The following GRID2 variants were observed in gnomAD, a reference collection of about 807,000 sequenced individuals.
GRID2 encodes glutamate ionotropic receptor delta type subunit 2, also known as glutamate receptor ionotropic, delta-2.
In GRID2, 33 loss-of-function variants were observed where a neutral mutation model predicts 114.8. That is an observed-to-expected ratio of 0.29 (90% CI 0.22 to 0.38). The LOEUF is 0.38. Among genes scored for constraint, GRID2 ranks in the 10% least tolerant of loss-of-function variants. GRID2 has a pLI of 1.00. For synonymous variants in GRID2, 505 were observed against 449.9 expected (o/e 1.12, Z -1.55); for missense variants, 1,184 against 1,257.7 (o/e 0.94, Z 0.89).
Position 93,088,373 on chromosome 4 carries a change from T to C in GRID2, c.529+3094T>C, listed in dbSNP as rs200451354. On this transcript the variant is annotated intron_variant, in intron 3 of 15. Coordinates refer to ENST00000282020, the MANE Select transcript of GRID2 (RefSeq NM_001510.4). ...TTCATTGCTCACTTGCTCAGTGCAA[T>C]GCAAACTATGAGATAAAAAGTATTA... Among the ~76,000 whole-genome samples the C allele has an allele frequency of 1.2e-4, 18 of 152,262 alleles. 1 individual carries two copies. The East Asian group carries it at 3.5e-3, about 29-fold the overall frequency.
intron 2 of GRID2, among the ~76,000 whole-genome samples, chr4:92,593,443 A>G (rs1297818163): frequency 2.6e-5 from 4 of 151,992 alleles, no homozygotes; most frequent in South Asian, 4.1e-4. Context: ...TATAACCCAT[A>G]AACAGTAATA....
intron 2 of GRID2, among the ~76,000 whole-genome samples, chr4:93,008,032 CAA>C (rs1273416294): frequency 4.5e-4 from 28 of 62,494 alleles, no homozygotes; most frequent in Admixed American, 9.0e-4. Context: ...GAGACTGTCA[CAA>C]AAAAAAAAAA....
intron 1 of GRID2, among the ~76,000 whole-genome samples, chr4:92,388,692 A>G (rs1730096942): frequency 6.6e-6 from 1 of 151,918 alleles, no homozygotes; most frequent in Non-Finnish European, 1.5e-5. Flanking sequence ...CGTAGCATTC[A>G]TTTCTCACAC....
intron 2 of GRID2, among the ~76,000 whole-genome samples, chr4:93,030,704 C>T (rs768155892): frequency 2.8e-4 from 43 of 151,666 alleles, no homozygotes; most frequent in Admixed American, 7.2e-4. Context: ...TCTTTCAAGA[C>T]CGTAATAGCA....
chr4:92,586,147 C>A (rs1235429665), intron 1 of GRID2, among the ~76,000 whole-genome samples: 2 of 151,674 alleles, frequency 1.3e-5, no homozygotes, highest in South Asian at 4.2e-4. Context: ...TTATATTTTG[C>A]TAATTGATAA....
chr4:93,649,710 A>G (rs1722416306), intron 14 of GRID2, among the ~76,000 whole-genome samples: 1 of 152,264 alleles, frequency 6.6e-6, no homozygotes, highest in Non-Finnish European at 1.5e-5. Flanking sequence ...GAAGTCTCCA[A>G]GAGGAGAGAT....
At chr4:92,962,196 C>CTG (rs113224004) in intron 2 of GRID2, among the ~76,000 whole-genome samples, 1 of 151,788 alleles carries the variant, frequency 6.6e-6, no homozygotes, top group Non-Finnish European at 1.5e-5. Flanking sequence ...TCTCTTCAAA[C>CTG]TGTGTGTGTG....
chr4:92,583,930 T>TAC (rs1322551152), intron 1 of GRID2, among the ~76,000 whole-genome samples: 1 of 150,176 alleles, frequency 6.7e-6, no homozygotes, highest in Non-Finnish European at 1.5e-5. Flanking sequence ...TATGTATATA[T>TAC]ATATATGTAC....
intron 8 of GRID2, among the ~76,000 whole-genome samples, chr4:93,350,152 G>C (rs963450140): frequency 5.3e-5 from 8 of 151,986 alleles, no homozygotes; most frequent in Non-Finnish European, 8.8e-5. Context: ...AAAATTTAAG[G>C]CTTCCAGGAA....
intron 13 of GRID2, among the ~76,000 whole-genome samples, chr4:93,614,282 C>T (rs1225212476): frequency 6.6e-6 from 1 of 152,224 alleles, no homozygotes; most frequent in Non-Finnish European, 1.5e-5. Context: ...CTGCGTCGCT[C>T]ACGCTGGGAG....
At chr4:93,658,509 A>T (rs1005649503) in intron 14 of GRID2, among the ~76,000 whole-genome samples, 9 of 152,196 alleles carry the variant, frequency 5.9e-5, no homozygotes, top group African/African-American at 2.2e-4. Context: ...AATAAAAAAA[A>T]CTGGAGATTA....
At chr4:92,323,105 TA>T (rs1353960786) in intron 1 of GRID2, among the ~76,000 whole-genome samples, 1 of 152,092 alleles carries the variant, frequency 6.6e-6, no homozygotes, top group Non-Finnish European at 1.5e-5. Context: ...TACTGTTTTT[TA>T]AAAATGTAAA....
At chr4:93,164,751 C>T (rs1188139960) in intron 4 of GRID2, 2 of 430,340 alleles carry the variant, frequency 4.6e-6, no homozygotes, top group Non-Finnish European at 9.5e-6. Context: ...TTTAGAAAAA[C>T]ACTTAGGGAG....
rs201364043 is a variant in GRID2, at chr4:92,862,331, G to C, written c.245-222664G>C. On this transcript the variant is annotated intron_variant, in intron 2 of 15. Coordinates refer to ENST00000282020, the MANE Select transcript of GRID2 (RefSeq NM_001510.4). ...GCAATTATGAATGAAATTCATTAAG[G>C]GTTTACTATAACGTGAAAATTCTAA... Among the ~76,000 whole-genome samples the C allele has an allele frequency of 1.1e-4, 17 of 151,896 alleles. No homozygotes were observed. The East Asian group carries it at 3.3e-3, about 29-fold the overall frequency.
intron 13 of GRID2, among the ~76,000 whole-genome samples, chr4:93,549,287 T>C (rs1042408698): frequency 3.9e-5 from 6 of 152,186 alleles, no homozygotes; most frequent in Middle Eastern, 3.4e-3. Flanking sequence ...TACCAAAAAG[T>C]AGGATGTAGA....
At chr4:92,855,144 C>A (rs922908332) in intron 2 of GRID2, among the ~76,000 whole-genome samples, 2 of 152,010 alleles carry the variant, frequency 1.3e-5, no homozygotes, top group Non-Finnish European at 2.9e-5. Flanking sequence ...TGTGAGACTA[C>A]TTCTTACAGC....
chr4:92,734,821 C>T (rs115674382), intron 2 of GRID2, among the ~76,000 whole-genome samples: 3 of 144,808 alleles, frequency 2.1e-5, no homozygotes, highest in Non-Finnish European at 3.0e-5. Flanking sequence ...TTCTGTCACT[C>T]AGCCTGGAGT....
intron 1 of GRID2, among the ~76,000 whole-genome samples, chr4:92,433,341 C>T (rs551751358): frequency 5.9e-5 from 9 of 152,316 alleles, no homozygotes; most frequent in South Asian, 2.1e-4. Context: ...GCAGTCCTTG[C>T]GGCCTAGACC....
rs571520988 is a variant in GRID2 at position 92,715,857 on chromosome 4, CAGTA to C, written c.244+125575_244+125578del. Among the ~76,000 whole-genome samples the C allele has an allele frequency of 8.5e-4, 130 of 152,242 alleles. 2 individuals are homozygous for C. Among genetic ancestry groups the C allele is most frequent in the African/African-American group, 2.9e-3 (122 of 41,556 alleles). ...CATATCAGATAGCCTACTAAAATAT[CAGTA>C]AGTTGAATTTTAACTATAATCAAAC... On this transcript the variant is annotated intron_variant, in intron 2 of 15. Coordinates refer to ENST00000282020, the MANE Select transcript of GRID2 (RefSeq NM_001510.4).
Sources: allele counts gnomAD v4.1 joint callset (sites outside exome capture counted in the v4.1 genomes callset), GRCh38; gene constraint gnomAD v4.1.1; transcripts MANE v1.5; gene names NCBI Gene and HGNC (gene_info 2026-07-23, HGNC 2026-07-21).